The following RAB11FIP4 variants were observed in gnomAD, a reference collection of about 807,000 sequenced individuals.
The protein encoded by RAB11FIP4 is RAB11 family interacting protein 4.
A neutral mutation model predicts 74.3 loss-of-function variants in RAB11FIP4; 23 were observed. The observed-to-expected ratio is 0.31, with a 90% CI of 0.22 to 0.44. RAB11FIP4 has a LOEUF of 0.44. Among genes scored for constraint, RAB11FIP4 ranks in the 20% least tolerant of loss-of-function variants. The probability of loss-of-function intolerance (pLI) is 1.00; values close to 1 mark genes in which losing one functional copy is unlikely to be tolerated. For synonymous variants in RAB11FIP4, 360 were observed against 359.9 expected, an observed-to-expected ratio of 1.00 and a Z score of 0.00; for missense variants, 630 against 863.9, an observed-to-expected ratio of 0.73 and a Z score of 3.39.
At chr17:31,403,088 A>ACCGCCCCG (rs2071008758) in intron 1 of RAB11FIP4, among the ~76,000 whole-genome samples, 3 of 147,962 alleles carry the variant, frequency 2.0e-5, no homozygotes, top group Non-Finnish European at 3.0e-5. Context: ...TCATTTCTTC[A>ACCGCCCCG]CCGCCCCGCC....
intron 1 of RAB11FIP4, among the ~76,000 whole-genome samples, chr17:31,429,375 TG>T (rs1188049154): frequency 6.6e-6 from 1 of 152,128 alleles, no homozygotes; most frequent in Non-Finnish European, 1.5e-5. Flanking sequence ...CCAATAGACT[TG>T]GGTGTGCAAC....
intron 3 of RAB11FIP4, among the ~76,000 whole-genome samples, chr17:31,440,876 G>A (rs1350755594): frequency 2.0e-5 from 3 of 152,188 alleles, no homozygotes; most frequent in Non-Finnish European, 4.4e-5. Flanking sequence ...TCCTGTAGGA[G>A]ATCATATTTG....
intron 3 of RAB11FIP4, among the ~76,000 whole-genome samples, chr17:31,435,015 GTC>G (rs1233997296): frequency 6.6e-6 from 1 of 151,884 alleles, no homozygotes; most frequent in African/African-American, 2.4e-5. Context: ...ATGAGACCCC[GTC>G]TCTACATAAA....
intron 3 of RAB11FIP4, chr17:31,487,877 G>T: frequency 4.6e-6 from 1 of 219,342 alleles, no homozygotes; most frequent in Non-Finnish European, 7.7e-6. Context: ...CGGCGCCCTG[G>T]AGCCACCTGC....
chr17:31,479,903 C>T (rs1278334589), intron 3 of RAB11FIP4, among the ~76,000 whole-genome samples: 2 of 152,130 alleles, frequency 1.3e-5, no homozygotes, highest in Non-Finnish European at 2.9e-5. Context: ...TCCCTTCCAG[C>T]TTTAATGCAT....
chr17:31,421,657 A>G (rs955825162), intron 1 of RAB11FIP4, among the ~76,000 whole-genome samples: 5 of 150,960 alleles, frequency 3.3e-5, no homozygotes, highest in Non-Finnish European at 7.4e-5. Context: ...CCTGGGTTCA[A>G]GTGATTCTCT....
intron 10 of RAB11FIP4, chr17:31,525,579 A>G: frequency 3.7e-6 from 1 of 268,110 alleles, no homozygotes; most frequent in Non-Finnish European, 7.1e-6. Flanking sequence ...CCAGAGCCCC[A>G]GGGCCAAGGT....
At chr17:31,506,817 G>A (rs2072358732) in intron 3 of RAB11FIP4, among the ~76,000 whole-genome samples, 1 of 152,026 alleles carries the variant, frequency 6.6e-6, no homozygotes, top group African/African-American at 2.4e-5. Flanking sequence ...CCATATTTTG[G>A]CTATTGTGAA....
intron 3 of RAB11FIP4, among the ~76,000 whole-genome samples, chr17:31,463,097 T>A (rs1156482300): frequency 1.3e-5 from 2 of 152,186 alleles, no homozygotes; most frequent in Non-Finnish European, 2.9e-5. Flanking sequence ...CAGTAAAGCT[T>A]AAGCCATCAA....
In RAB11FIP4 at chr17:31,525,175, G is replaced by A. The variant is rs1300428454; in HGVS notation, c.1219G>A (p.Ala407Thr). The change falls in exon 10 of 15, where the codon GCC becomes ACC. Residue 407 changes from alanine to threonine, a missense_variant. Physicochemically the swap from Ala to Thr is moderately conservative, Grantham distance 58. Transcript: ENST00000621161. Reference sequence around the variant, plus strand: ...GGAGGAGGCGCGGCGCCACCGCGAGGCCTACGGCAAGCTGGAGAGGGAGAA... The same window carrying A: ...GGAGGAGGCGCGGCGCCACCGCGAGACCTACGGCAAGCTGGAGAGGGAGAA... ...LEEEARRHRE[A>T]YGKLEREKAT... 1 of 1,549,192 alleles carries A rather than the reference G, an allele frequency of 6.5e-7. No homozygotes were observed. Among genetic ancestry groups the A allele is most frequent in the Non-Finnish European group, 8.7e-7 (1 of 1,146,968 alleles).
chr17:31,414,594 T>C (rs2071129633), intron 1 of RAB11FIP4, among the ~76,000 whole-genome samples: 1 of 152,140 alleles, frequency 6.6e-6, no homozygotes, highest in Admixed American at 6.5e-5. Flanking sequence ...GTGTTGGCGG[T>C]CCCATAAAGG....
chr17:31,461,163 C>T (rs1165259577), intron 3 of RAB11FIP4, among the ~76,000 whole-genome samples: 1 of 151,920 alleles, frequency 6.6e-6, no homozygotes, highest in Non-Finnish European at 1.5e-5. Context: ...TATAGCCCCA[C>T]CTGTCTGATA....
intron 11 of RAB11FIP4, 109 bp from the exon 12 acceptor site, chr17:31,528,297 C>T: frequency 7.8e-7 from 1 of 1,280,992 alleles, no homozygotes; most frequent in South Asian, 1.4e-5. Context: ...GCTGGTTTCA[C>T]TGTGCATCTG....
chr17:31,433,659 G>A (rs1052441791), intron 2 of RAB11FIP4, among the ~76,000 whole-genome samples: 6 of 152,134 alleles, frequency 3.9e-5, no homozygotes, highest in Admixed American at 2.0e-4. Flanking sequence ...GCCCAGCCTC[G>A]GAGGAATGGG....
intron 1 of RAB11FIP4, among the ~76,000 whole-genome samples, chr17:31,412,053 G>A (rs754194095): frequency 2.6e-5 from 4 of 152,216 alleles, no homozygotes; most frequent in African/African-American, 7.2e-5. Context: ...CACCTGGGGA[G>A]CAGCTTGGTC....
intron 3 of RAB11FIP4, among the ~76,000 whole-genome samples, chr17:31,444,355 C>CCT (rs2071431787): frequency 6.6e-6 from 1 of 151,036 alleles, no homozygotes; most frequent in Non-Finnish European, 1.5e-5. Flanking sequence ...CAACACCCCC[C>CCT]CCACCCTTCT....
At chr17:31,428,963 T>G (rs757044) in intron 1 of RAB11FIP4, among the ~76,000 whole-genome samples, 12,593 of 151,500 alleles carry the variant, frequency 0.083, 860 homozygotes, top group East Asian at 0.31. Context: ...TTGTTATTAT[T>G]ATGATGATGA....
At chr17:31,426,462 A>G (rs2071250507) in intron 1 of RAB11FIP4, among the ~76,000 whole-genome samples, 1 of 152,110 alleles carries the variant, frequency 6.6e-6, no homozygotes, top group Non-Finnish European at 1.5e-5. Context: ...AGCATTTGCA[A>G]TACTTCTCCA....
chr17:31,520,512 T>G (rs1299165751), intron 4 of RAB11FIP4, among the ~76,000 whole-genome samples: 2 of 152,154 alleles, frequency 1.3e-5, no homozygotes, highest in African/African-American at 4.8e-5. Flanking sequence ...TGTTTTTTTG[T>G]TTTTGTTTTT....
Sources: allele counts gnomAD v4.1 joint callset (sites outside exome capture counted in the v4.1 genomes callset), GRCh38; gene constraint gnomAD v4.1.1; transcripts MANE v1.5; gene names NCBI Gene and HGNC (gene_info 2026-07-23, HGNC 2026-07-21).